ITGA2: variants seen among roughly 807,000 people sequenced by gnomAD.
ITGA2 encodes integrin subunit alpha 2.
Under a neutral mutation model 146.3 loss-of-function variants are expected in ITGA2, and 101 were observed. The observed-to-expected ratio is 0.69, with a 90% CI of 0.59 to 0.81. The LOEUF is 0.81. Ranked by LOEUF, ITGA2 falls within the 40% of genes least tolerant of loss-of-function variation. The pLI is 0.00. For missense variants in ITGA2, 1,281 were observed against 1,402.7 expected, an observed-to-expected ratio of 0.91 and a Z score of 1.39; for synonymous variants, 477 against 487.1, an observed-to-expected ratio of 0.98 and a Z score of 0.27.
intron 2 of ITGA2, among the ~76,000 whole-genome samples, chr5:53,034,198 T>A (rs1055882221): frequency 1.3e-5 from 2 of 152,216 alleles, no homozygotes; most frequent in African/African-American, 2.4e-5. Flanking sequence ...CTTACACTTT[T>A]ATTTTAACTT....
At position 53,075,105 on chromosome 5, in the gene ITGA2, G is replaced by A. The variant is rs1218403019; in HGVS notation, c.2709G>A (p.Gln903=). 1 of 1,611,886 alleles carries A rather than the reference G, an allele frequency of 6.2e-7. No homozygotes were observed. Among genetic ancestry groups the A allele is most frequent in the African/African-American group, 1.3e-5 (1 of 74,736 alleles). The change falls in exon 22 of 30, where the codon CAG becomes CAA. Residue 903 remains glutamine, a synonymous_variant. Transcript: ENST00000296585. ...INFDFNLQNL[Q]NQASLSFQAL... ...TTGACTTCAATCTTCAAAACCTTCA[G>A]AATCAGGCGTCTCTCAGTTTCCAAG... is the stretch of plus-strand genomic sequence containing the variant.
intron 2 of ITGA2, among the ~76,000 whole-genome samples, chr5:53,040,111 A>G (rs959356232): frequency 6.6e-6 from 1 of 152,166 alleles, no homozygotes; most frequent in Non-Finnish European, 1.5e-5. Flanking sequence ...ACTAATGAGT[A>G]GACATTGCCA....
At chr5:53,058,876 T>G (rs775760423) in intron 10 of ITGA2, among the ~76,000 whole-genome samples, 8 of 151,860 alleles carry the variant, frequency 5.3e-5, no homozygotes, top group Non-Finnish European at 7.4e-5. Flanking sequence ...TGTAAATGAA[T>G]CTATGCACGG....
Position 53,042,111 on chromosome 5 carries a change from G to C in ITGA2, c.186-1G>C. On this transcript the variant is annotated splice_acceptor_variant, in intron 2 of 29. Coordinates refer to ENST00000296585, the MANE Select transcript of ITGA2 (RefSeq NM_002203.4). LOFTEE classifies it high-confidence loss of function. ...GTCTAATAAAAAAAATGTGTTTCTA[G>C]GTTACTGGTTGGTTCACCCTGGAGT... 6.3e-7 allele frequency: 1 copy of C among 1,592,768 alleles called. No individual in the cohort carries two copies. The highest frequency in any genetic ancestry group is 8.6e-7 in the Non-Finnish European group (1 of 1,160,596).
chr5:53,025,674 C>T (rs1412157839), intron 1 of ITGA2, among the ~76,000 whole-genome samples: 1 of 152,254 alleles, frequency 6.6e-6, no homozygotes, highest in Non-Finnish European at 1.5e-5. Context: ...ATACCATGCA[C>T]TTGCAATGCT....
At chr5:52,998,661 G>A (rs576735846) in intron 1 of ITGA2, among the ~76,000 whole-genome samples, 21 of 152,022 alleles carry the variant, frequency 1.4e-4, no homozygotes, top group African/African-American at 5.1e-4. Flanking sequence ...TCCTCACTTG[G>A]ACCCTTCCAT....
chr5:53,039,739 C>CA (rs1175067104), intron 2 of ITGA2, among the ~76,000 whole-genome samples: 11,759 of 33,076 alleles, frequency 0.36, 2,963 homozygotes, highest in Non-Finnish European at 0.46. Flanking sequence ...GACTCCATCT[C>CA]AAAAAAAAAA....
chr5:53,074,992 AT>A (rs958053949), intron 21 of ITGA2, 68 bp from the exon 22 acceptor site: 2,507 of 939,524 alleles, frequency 2.7e-3, no homozygotes, highest in South Asian at 3.8e-3. Context: ...TATGAGAAAC[AT>A]TTTTTTTTTC....
At chr5:53,069,633 A>C (rs565948934) in intron 16 of ITGA2, among the ~76,000 whole-genome samples, 1 of 152,010 alleles carries the variant, frequency 6.6e-6, no homozygotes, top group African/African-American at 2.4e-5. Context: ...ATTTTACATC[A>C]CTTATTCTAG....
At chr5:53,037,140 G>C (rs1239791766) in intron 2 of ITGA2, among the ~76,000 whole-genome samples, 1 of 152,164 alleles carries the variant, frequency 6.6e-6, no homozygotes, top group African/African-American at 2.4e-5. Context: ...AATACTGCTT[G>C]CTAACTAAAC....
At chr5:53,072,735 A>T (rs3212585) in intron 19 of ITGA2, 40 bp downstream of exon 19, 118,058 of 1,452,196 alleles carry the variant, frequency 0.081, 5,098 homozygotes, top group Middle Eastern at 0.15. Context: ...ATGTAGAAAT[A>T]AAAGACATAC....
intron 6 of ITGA2, among the ~76,000 whole-genome samples, chr5:53,049,425 C>A (rs906497322): frequency 4.7e-4 from 72 of 152,218 alleles, no homozygotes; most frequent in African/African-American, 1.6e-3. Flanking sequence ...TAATTAATTT[C>A]TTTTGTTTAT....
chr5:52,990,127 TG>T (rs1490964332), intron 1 of ITGA2: 1 of 155,930 alleles, frequency 6.4e-6, no homozygotes, highest in African/African-American at 2.4e-5. Flanking sequence ...CGGGGGGACT[TG>T]GAATAAACCA....
chr5:53,017,679 G>T (rs1318617096), intron 1 of ITGA2, among the ~76,000 whole-genome samples: 1 of 152,212 alleles, frequency 6.6e-6, no homozygotes, highest in Non-Finnish European at 1.5e-5. Context: ...AGTACAGCAG[G>T]GGCAGGGCAC....
intron 1 of ITGA2, among the ~76,000 whole-genome samples, chr5:53,006,440 TA>T (rs1264517222): frequency 1.3e-5 from 2 of 152,230 alleles, no homozygotes; most frequent in Non-Finnish European, 2.9e-5. Flanking sequence ...ATGTATATTT[TA>T]AATTAATCTG....
At position 52,989,429 on chromosome 5, in the gene ITGA2, GC is replaced by G. The variant is rs1484142906; in HGVS notation, c.-39del. On this transcript the variant is annotated 5_prime_UTR_variant, in exon 1 of 30. Coordinates refer to ENST00000296585, the MANE Select transcript of ITGA2 (RefSeq NM_002203.4). ...CCAAGGGTATCCTCTGCAAACCTCTGCAAACCCAGCGCAACTACGGTCCCCC... is the reference window on the plus strand; with the variant it reads ...CCAAGGGTATCCTCTGCAAACCTCTGAAACCCAGCGCAACTACGGTCCCCC... 4.3e-6 allele frequency: 7 copies of G among 1,611,508 alleles called. No individual in the cohort carries two copies.
At chr5:53,087,572 ATG>A (rs1370301508) in intron 28 of ITGA2, among the ~76,000 whole-genome samples, 1 of 151,340 alleles carries the variant, frequency 6.6e-6, no homozygotes, top group African/African-American at 2.4e-5. Context: ...ACTGTGTGGC[ATG>A]TCCATTCATT....
intron 28 of ITGA2, 92 bp downstream of exon 28, chr5:53,087,133 T>A (rs1030322513): frequency 3.5e-6 from 3 of 853,464 alleles, no homozygotes; most frequent in Admixed American, 1.9e-5. Context: ...CTTACCTACA[T>A]GTATGTAGAA....
At chr5:53,070,312 G>A (rs1357713171) in intron 17 of ITGA2, 52 bp downstream of exon 17, 1 of 1,593,952 alleles carries the variant, frequency 6.3e-7, no homozygotes, top group Non-Finnish European at 8.6e-7. Context: ...AAAGACGAGA[G>A]AGTGGTAAAA....
Sources: allele counts gnomAD v4.1 joint callset (sites outside exome capture counted in the v4.1 genomes callset), GRCh38; gene constraint gnomAD v4.1.1; transcripts MANE v1.5; gene names NCBI Gene and HGNC (gene_info 2026-07-23, HGNC 2026-07-21).